The following EYS variants were observed in gnomAD, a reference collection of about 807,000 sequenced individuals.
The protein encoded by EYS is EGF-like photoreceptor maintenance factor, also known as protein eyes shut homolog.
A neutral mutation model predicts 282.1 loss-of-function variants in EYS; 250 were observed. The observed-to-expected ratio is 0.89, with a 90% CI of 0.80 to 0.98. EYS has a LOEUF of 0.98. Among genes scored for constraint, EYS ranks in the 50% least tolerant of loss-of-function variants. The pLI is 0.00. For missense variants in EYS, 4,016 were observed against 3,709.0 expected (o/e 1.08, Z -2.15); for synonymous variants, 1,355 against 1,282.9 (o/e 1.06, Z -1.20).
chr6:65,268,962 G>T (rs919864788), intron 12 of EYS, among the ~76,000 whole-genome samples: 10 of 151,788 alleles, frequency 6.6e-5, no homozygotes, highest in East Asian at 1.9e-4. Context: ...ATTTATAATT[G>T]ATACCTTAAT....
chr6:63,826,987 A>G (rs1771486698), intron 36 of EYS, among the ~76,000 whole-genome samples: 1 of 152,204 alleles, frequency 6.6e-6, no homozygotes, highest in Admixed American at 6.5e-5. Flanking sequence ...GATACAGAAC[A>G]GCAGAATGGA....
intron 2 of EYS, among the ~76,000 whole-genome samples, chr6:65,611,736 C>G (rs1766009584): frequency 6.6e-6 from 1 of 151,970 alleles, no homozygotes; most frequent in Non-Finnish European, 1.5e-5. Flanking sequence ...CTGCACACAG[C>G]AATTTCCCAT....
intron 16 of EYS, among the ~76,000 whole-genome samples, chr6:64,911,924 C>T (rs1485036146): frequency 2.0e-5 from 3 of 152,098 alleles, no homozygotes; most frequent in Non-Finnish European, 4.4e-5. Context: ...CCAGAAATAT[C>T]CTGGCTTCAG....
intron 5 of EYS, among the ~76,000 whole-genome samples, chr6:65,431,615 A>G (rs1767890679): frequency 6.6e-6 from 1 of 152,120 alleles, no homozygotes; most frequent in Non-Finnish European, 1.5e-5. Flanking sequence ...CAGTAACATT[A>G]TTAGGTGGAA....
Position 64,886,844 on chromosome 6 carries a change from T to C in EYS, c.2847-2A>G, listed in dbSNP as rs1230668487. On this transcript the variant is annotated splice_acceptor_variant, in intron 18 of 42. Transcript: ENST00000503581. LOFTEE classifies it high-confidence loss of function. ...TCAGGTTCACAATTACAAAAAAATCTGGAGAAAAGTGGAGAAATGAGGAAT... is the reference window on the plus strand; with the variant it reads ...TCAGGTTCACAATTACAAAAAAATCCGGAGAAAAGTGGAGAAATGAGGAAT... 5 of 1,495,066 alleles carry C rather than the reference T, an allele frequency of 3.3e-6. No individual in the cohort carries two copies. The South Asian group carries it at 4.0e-5, about 12-fold the overall frequency. 92.6% of individuals were successfully genotyped at this position (1,495,066 alleles called of 1,614,324 possible).
chr6:64,635,861 G>T (rs143180031), intron 22 of EYS, among the ~76,000 whole-genome samples: 25 of 152,204 alleles, frequency 1.6e-4, no homozygotes, highest in Admixed American at 2.6e-4. Context: ...GAGGATTCCC[G>T]CTTTTTCTAT....
At chr6:63,945,978 G>T (rs1292603708) in intron 35 of EYS, among the ~76,000 whole-genome samples, 1 of 152,116 alleles carries the variant, frequency 6.6e-6, no homozygotes, top group African/African-American at 2.4e-5. Flanking sequence ...TTGACTTTGA[G>T]TTCACTGCTC....
chr6:64,439,496 T>C, intron 26 of EYS, 144 bp from the exon 27 acceptor site: 1 of 496,124 alleles, frequency 2.0e-6, no homozygotes, highest in Non-Finnish European at 3.4e-6. Flanking sequence ...TTCTTTCCTT[T>C]GGAATAGTCA....
intron 2 of EYS, among the ~76,000 whole-genome samples, chr6:65,559,040 G>A (rs935633924): frequency 6.6e-6 from 1 of 152,130 alleles, no homozygotes; most frequent in Non-Finnish European, 1.5e-5. Flanking sequence ...AGAATAAAGA[G>A]AGAAGCTATA....
In EYS at chr6:64,835,165, C is replaced by T. The variant is rs545437811; in HGVS notation, c.2993-12343G>A. 2.0e-5 allele frequency among the ~76,000 whole-genome samples: 3 copies of T among 151,750 alleles called. No individual in the cohort carries two copies. The Admixed American group carries it at 2.0e-4, about 10-fold the overall frequency. On this transcript the variant is annotated intron_variant, in intron 19 of 42. Transcript: ENST00000503581. The stretch of plus-strand genomic sequence containing the variant: ...CTCCCATCTTTTTTATTTCAATGTC[C>T]TGAAATTATGTCTACAAACCAACAA...
chr6:64,225,594 A>G (rs1211830576), intron 31 of EYS, among the ~76,000 whole-genome samples: 2 of 152,114 alleles, frequency 1.3e-5, no homozygotes, highest in Admixed American at 1.3e-4. Context: ...CTTCTAGAAG[A>G]TGGAAAAAAC....
chr6:64,508,261 G>C (rs1777275180), intron 26 of EYS, among the ~76,000 whole-genome samples: 1 of 152,078 alleles, frequency 6.6e-6, no homozygotes, highest in South Asian at 2.1e-4. Flanking sequence ...GTTGCTTTCA[G>C]TTATTCTGTG....
intron 16 of EYS, among the ~76,000 whole-genome samples, chr6:64,910,082 G>A (rs939373788): frequency 1.4e-4 from 21 of 151,930 alleles, no homozygotes; most frequent in Admixed American, 1.0e-3. Context: ...CTACTCTTAC[G>A]ACCTGTCCTA....
chr6:64,936,634 A>C (rs550822191), intron 15 of EYS, among the ~76,000 whole-genome samples: 1 of 151,636 alleles, frequency 6.6e-6, no homozygotes, highest in African/African-American at 2.4e-5. Flanking sequence ...TACACTAGCA[A>C]AGAACAATCT....
chr6:64,282,806 G>C (rs1768355529), intron 30 of EYS, among the ~76,000 whole-genome samples: 1 of 152,140 alleles, frequency 6.6e-6, no homozygotes, highest in African/African-American at 2.4e-5. Context: ...TCCTCTGAAA[G>C]TCTATTGCTT....
chr6:63,772,733 G>A (rs191550185), intron 40 of EYS, among the ~76,000 whole-genome samples: 2 of 152,094 alleles, frequency 1.3e-5, no homozygotes, highest in Admixed American at 1.3e-4. Context: ...AATTGACCAT[G>A]TGAAACATTT....
chr6:65,657,019 G>C (rs530495851), intron 1 of EYS, among the ~76,000 whole-genome samples: 112 of 151,866 alleles, frequency 7.4e-4, no homozygotes, highest in African/African-American at 2.7e-3. Context: ...AATCTACTCT[G>C]CCTGTCCTCT....
At chr6:64,419,887 A>G (rs1231368151) in intron 28 of EYS, among the ~76,000 whole-genome samples, 3 of 152,168 alleles carry the variant, frequency 2.0e-5, no homozygotes, top group Non-Finnish European at 2.9e-5. Flanking sequence ...TGGGGTCTGG[A>G]GAACAGTGTC....
chr6:65,222,474 T>C (rs1029704080), intron 12 of EYS, among the ~76,000 whole-genome samples: 4 of 152,178 alleles, frequency 2.6e-5, no homozygotes, highest in African/African-American at 4.8e-5. Flanking sequence ...TCTTCTGCCA[T>C]GATTGTGAGG....
Sources: gnomAD v4.1 joint callset for allele counts (sites outside exome capture counted in the v4.1 genomes callset) on GRCh38, gnomAD v4.1.1 for gene constraint, MANE v1.5 for transcripts, NCBI Gene and HGNC (gene_info 2026-07-23, HGNC 2026-07-21) for gene names.